CLASP2: variants seen among roughly 807,000 people sequenced by gnomAD.
CLASP2 encodes the protein CLIP-associating protein 2.
In CLASP2, 47 loss-of-function variants were observed where a neutral mutation model predicts 194.4. That is an observed-to-expected ratio of 0.24 (90% confidence interval 0.19 to 0.31). The LOEUF is 0.31. Among genes scored for constraint, CLASP2 ranks in the 10% least tolerant of loss-of-function variants. CLASP2 has a pLI of 1.00. For missense variants in CLASP2, 1,445 were observed against 1,823.6 expected, an observed-to-expected ratio of 0.79 and a Z score of 3.78; for synonymous variants, 619 against 633.5, an observed-to-expected ratio of 0.98 and a Z score of 0.34.
chr3:33,541,470 T>A (rs2058350575), intron 32 of CLASP2, among the ~76,000 whole-genome samples: 1 of 152,182 alleles, frequency 6.6e-6, no homozygotes, highest in Non-Finnish European at 1.5e-5. Flanking sequence ...TTTTTCCTGA[T>A]CCTCTCCCTC....
chr3:33,640,396 T>G (rs1335067448), intron 8 of CLASP2, among the ~76,000 whole-genome samples: 1 of 152,128 alleles, frequency 6.6e-6, no homozygotes, highest in Admixed American at 6.5e-5. Context: ...GAAAATATCA[T>G]AAAGATTAGT....
intron 38 of CLASP2, among the ~76,000 whole-genome samples, chr3:33,500,159 A>C (rs1182651040): frequency 2.0e-5 from 3 of 151,952 alleles, no homozygotes; most frequent in Non-Finnish European, 2.9e-5. Context: ...CAGCCTCCCA[A>C]GTAGCTGGGA....
At chr3:33,542,763 A>C (rs886957739) in intron 32 of CLASP2, among the ~76,000 whole-genome samples, 1 of 151,942 alleles carries the variant, frequency 6.6e-6, no homozygotes, top group African/African-American at 2.4e-5. Flanking sequence ...TTTTAAACTC[A>C]TCATTATAAC....
chr3:33,685,342 C>CA (rs56240569), intron 5 of CLASP2, among the ~76,000 whole-genome samples: 5,502 of 47,970 alleles, frequency 0.11, 895 homozygotes, highest in South Asian at 0.18. Flanking sequence ...AACTCCGTCT[C>CA]AAAAAAAAAA....
At chr3:33,539,043 A>G (rs1373499999) in intron 32 of CLASP2, 101 bp from the exon 33 acceptor site, 21 of 838,166 alleles carry the variant, frequency 2.5e-5, no homozygotes, top group Non-Finnish European at 3.4e-5. Context: ...AGGATTAGAG[A>G]ATGTATATTC....
At chr3:33,670,052 CA>C (rs1346261407) in intron 6 of CLASP2, among the ~76,000 whole-genome samples, 1 of 152,126 alleles carries the variant, frequency 6.6e-6, no homozygotes, top group Non-Finnish European at 1.5e-5. Context: ...CTGGATCCAA[CA>C]ACCCAAAAGA....
chr3:33,688,138 G>C (rs2090924658), intron 4 of CLASP2, 139 bp downstream of exon 4: 4 of 580,280 alleles, frequency 6.9e-6, no homozygotes, highest in Non-Finnish European at 1.2e-5. Flanking sequence ...AAAATGAACA[G>C]TAAAGGTATC....
chr3:33,663,390 G>T, intron 7 of CLASP2, 55 bp downstream of exon 7: 2 of 1,346,796 alleles, frequency 1.5e-6, no homozygotes, highest in Non-Finnish European at 1.1e-6. Flanking sequence ...ACATTTTAGT[G>T]CCTAAAACTT....
Position 33,570,750 on chromosome 3 carries a change from T to G in CLASP2, c.2740A>C (p.Met914Leu). 1 of 1,592,634 alleles carries G rather than the reference T, an allele frequency of 6.3e-7. No individual in the cohort carries two copies. The highest frequency in any genetic ancestry group is 8.6e-7 in the Non-Finnish European group (1 of 1,168,990). The stretch of plus-strand genomic sequence containing the variant: ...ACCTTGCCATGAGGGTCAGCAAACA[T>G]TCTTGTGAAAATTTCACATAATCTT... ...LKRLCEIFTRMFADPHGKRVF... is the reference protein window; with the variant it reads ...LKRLCEIFTRLFADPHGKRVF... The change falls in exon 26 of 39, where the codon ATG (methionine) becomes CTG (leucine). Residue 914 changes from methionine to leucine, a missense_variant. Physicochemically the swap from Met to Leu is conservative, Grantham distance 15. Around this residue, in one of 4 missense-constraint regions of CLASP2, gnomAD observed 732 missense variants for 987.9 expected, o/e 0.74. Coordinates refer to ENST00000682230, the MANE Select transcript of CLASP2 (RefSeq NM_001365631.1).
chr3:33,530,312 A>C (rs1016538197), intron 34 of CLASP2, among the ~76,000 whole-genome samples: 2 of 151,110 alleles, frequency 1.3e-5, no homozygotes, highest in African/African-American at 2.4e-5. Context: ...CTAACTTTAC[A>C]AAAAAAAATT....
intron 1 of CLASP2, among the ~76,000 whole-genome samples, chr3:33,699,555 A>G (rs1305797883): frequency 6.6e-6 from 1 of 152,194 alleles, no homozygotes; most frequent in Non-Finnish European, 1.5e-5. Flanking sequence ...TGACATTGTT[A>G]CAGTATAGTA....
At chr3:33,565,926 T>C (rs139994301) in intron 27 of CLASP2, among the ~76,000 whole-genome samples, 2 of 152,194 alleles carry the variant, frequency 1.3e-5, no homozygotes, top group Non-Finnish European at 2.9e-5. Context: ...TAGTTATGTT[T>C]TGGGGAGTTA....
chr3:33,525,895 C>T (rs757724107), intron 34 of CLASP2, among the ~76,000 whole-genome samples: 3 of 152,318 alleles, frequency 2.0e-5, no homozygotes, highest in South Asian at 2.1e-4. Context: ...CCACCGTTAA[C>T]GGCACTGCAC....
At chr3:33,625,285 ATATG>A (rs1352217167) in intron 10 of CLASP2, among the ~76,000 whole-genome samples, 1 of 152,010 alleles carries the variant, frequency 6.6e-6, no homozygotes, top group Non-Finnish European at 1.5e-5. Context: ...ACATGTATAC[ATATG>A]TAACAAACCT....
intron 8 of CLASP2, 126 bp from the exon 9 acceptor site, chr3:33,632,497 A>G: frequency 1.5e-6 from 1 of 675,300 alleles, no homozygotes; most frequent in South Asian, 2.3e-5. Context: ...ATTCCATTTT[A>G]TAAGAAAGCA....
intron 7 of CLASP2, among the ~76,000 whole-genome samples, chr3:33,650,082 A>G (rs926778181): frequency 1.3e-5 from 2 of 152,248 alleles, no homozygotes; most frequent in Non-Finnish European, 2.9e-5. Flanking sequence ...TTAAAATCCT[A>G]GAGTTATCAG....
intron 8 of CLASP2, among the ~76,000 whole-genome samples, chr3:33,636,568 G>T (rs2080178834): frequency 6.6e-6 from 1 of 152,142 alleles, no homozygotes; most frequent in Middle Eastern, 3.2e-3. Context: ...TAGAAGATAT[G>T]AAAAGACAGC....
At chr3:33,623,975 C>G (rs1276182631) in intron 10 of CLASP2, among the ~76,000 whole-genome samples, 1 of 152,138 alleles carries the variant, frequency 6.6e-6, no homozygotes, top group Non-Finnish European at 1.5e-5. Context: ...ACAAGGATGC[C>G]TGCTTTCAAC....
intron 1 of CLASP2, among the ~76,000 whole-genome samples, chr3:33,708,577 C>T (rs985134491): frequency 1.4e-5 from 2 of 147,462 alleles, no homozygotes; most frequent in African/African-American, 5.1e-5. Context: ...CACACACACA[C>T]ACACCCCCCA....
Sources: allele counts gnomAD v4.1 joint callset (sites outside exome capture counted in the v4.1 genomes callset), GRCh38; gene constraint gnomAD v4.1.1; regional missense constraint gnomAD v4.1.1; transcripts MANE v1.5; gene names NCBI Gene and HGNC (gene_info 2026-07-23, HGNC 2026-07-21).